LRRTM4: variants seen among roughly 807,000 people sequenced by gnomAD.
LRRTM4 encodes leucine-rich repeat transmembrane neuronal protein 4.
A neutral mutation model predicts 47.6 loss-of-function variants in LRRTM4; 25 were observed. The ratio of observed to expected loss-of-function variants is 0.53; its 90% CI spans 0.38 to 0.73. The LOEUF (loss-of-function observed/expected upper bound fraction) is 0.73, where lower values mean the gene tolerates loss of function less well. Among genes scored for constraint, LRRTM4 ranks in the 30% least tolerant of loss-of-function variants. The pLI is 0.00. For missense variants in LRRTM4, 638 were observed against 713.4 expected, an observed-to-expected ratio of 0.89 and a Z score of 1.20; for synonymous variants, 311 against 269.5, an observed-to-expected ratio of 1.15 and a Z score of -1.51.
At chr2:76,802,647 T>A (rs751415253) in intron 3 of LRRTM4, among the ~76,000 whole-genome samples, 14 of 151,880 alleles carry the variant, frequency 9.2e-5, no homozygotes, top group Non-Finnish European at 1.9e-4. Flanking sequence ...ATCCCAAAGA[T>A]CCAAAATATC....
intron 3 of LRRTM4, among the ~76,000 whole-genome samples, chr2:77,327,344 G>T (rs1670815020): frequency 1.3e-5 from 2 of 152,128 alleles, no homozygotes; most frequent in African/African-American, 2.4e-5. Flanking sequence ...GAGATTCTCA[G>T]CTCCTACAGC....
At chr2:76,848,652 A>T (rs1314631475) in intron 3 of LRRTM4, among the ~76,000 whole-genome samples, 1 of 152,108 alleles carries the variant, frequency 6.6e-6, no homozygotes, top group Non-Finnish European at 1.5e-5. Context: ...ATTCTACTTG[A>T]AACAAATGGA....
intron 3 of LRRTM4, among the ~76,000 whole-genome samples, chr2:76,757,720 T>C (rs1412373902): frequency 6.6e-6 from 1 of 152,120 alleles, no homozygotes; most frequent in African/African-American, 2.4e-5. Context: ...TCCAATCACA[T>C]AACTTTCTCC....
At chr2:77,288,338 A>C (rs1676720664) in intron 3 of LRRTM4, among the ~76,000 whole-genome samples, 1 of 151,884 alleles carries the variant, frequency 6.6e-6, no homozygotes, top group South Asian at 2.1e-4. Flanking sequence ...TTGCTGAAAA[A>C]TGATATGAAA....
At chr2:77,009,447 C>G (rs1274947320) in intron 3 of LRRTM4, 1 of 152,056 alleles carries the variant, frequency 6.6e-6, no homozygotes, top group African/African-American at 2.4e-5. Flanking sequence ...TGACTCATCC[C>G]TCTCAAATGC....
At chr2:77,334,782 G>A (rs547904305) in intron 3 of LRRTM4, among the ~76,000 whole-genome samples, 37 of 152,228 alleles carry the variant, frequency 2.4e-4, no homozygotes, top group South Asian at 2.1e-4. Context: ...CATGGTACTC[G>A]GAGATGAACT....
rs576072800 is a variant in LRRTM4 at position 76,846,758 on chromosome 2, C to T, written c.1552-97842G>A. Among the ~76,000 whole-genome samples the T allele has an allele frequency of 2.0e-5, 3 of 152,192 alleles. No individual in the cohort carries two copies. The South Asian group carries it at 6.2e-4, about 32-fold the overall frequency. ...TGTTAATAAACTCACATTTCTTTTC[C>T]CAACTATATACTAAGAACATCTTTG... is the stretch of plus-strand genomic sequence containing the variant. On this transcript the variant is annotated intron_variant, in intron 3 of 3. Transcript: ENST00000409884.
intron 3 of LRRTM4, among the ~76,000 whole-genome samples, chr2:76,955,492 A>G (rs1397872875): frequency 6.6e-6 from 1 of 151,856 alleles, no homozygotes; most frequent in East Asian, 1.9e-4. Flanking sequence ...GAATCAAAGT[A>G]TGTCACTACT....
chr2:77,420,794 T>A (rs184398643), intron 3 of LRRTM4, among the ~76,000 whole-genome samples: 1,461 of 145,438 alleles, frequency 0.01, 24 homozygotes, highest in African/African-American at 0.035. Context: ...TATATATATA[T>A]AATACATATA....
chr2:77,366,447 T>C (rs1005529027), intron 3 of LRRTM4, among the ~76,000 whole-genome samples: 2 of 151,948 alleles, frequency 1.3e-5, no homozygotes, highest in South Asian at 2.1e-4. Flanking sequence ...TACTTTGTAT[T>C]ATTTCCCTGG....
intron 3 of LRRTM4, among the ~76,000 whole-genome samples, chr2:77,457,105 T>C (rs1676593447): frequency 7.1e-6 from 1 of 140,138 alleles, no homozygotes; most frequent in Non-Finnish European, 1.5e-5. Flanking sequence ...TGGTGATTTT[T>C]TTTTTCTCAG....
At chr2:76,902,113 T>C (rs1292969120) in intron 3 of LRRTM4, among the ~76,000 whole-genome samples, 2 of 152,254 alleles carry the variant, frequency 1.3e-5, no homozygotes, top group East Asian at 1.9e-4. Flanking sequence ...GTGAATTTTA[T>C]GGAAGAGAAA....
chr2:76,918,859 A>T (rs573343117), intron 3 of LRRTM4, among the ~76,000 whole-genome samples: 1 of 152,252 alleles, frequency 6.6e-6, no homozygotes, highest in East Asian at 1.9e-4. Context: ...GTCATCCACG[A>T]TGTATTCCAC....
chr2:76,887,356 A>T lies in LRRTM4; in HGVS notation c.1552-138440T>A, dbSNP rs1359532341. On this transcript the variant is annotated intron_variant, in intron 3 of 3. Transcript: ENST00000409884. ...ATTTGACTTTTCCTAAACGTGTATA[A>T]TTTTTTTTCTAAACCCTGCACCAAG... Among the ~76,000 whole-genome samples, 3 of 151,342 alleles carry T rather than the reference A, an allele frequency of 2.0e-5. No individual in the cohort carries two copies. In the East Asian group the frequency reaches 5.8e-4, roughly 29 times the overall value.
intron 3 of LRRTM4, among the ~76,000 whole-genome samples, chr2:76,932,971 A>C (rs1470439267): frequency 4.6e-5 from 7 of 152,110 alleles, no homozygotes; most frequent in Admixed American, 3.3e-4. Context: ...ATTAGGTATG[A>C]AATGATAAAC....
intron 3 of LRRTM4, among the ~76,000 whole-genome samples, chr2:76,918,790 G>C (rs1312622441): frequency 2.6e-5 from 4 of 152,052 alleles, no homozygotes; most frequent in Non-Finnish European, 5.9e-5. Context: ...TGGAACTTAA[G>C]AAGTCTTCAG....
intron 3 of LRRTM4, among the ~76,000 whole-genome samples, chr2:77,217,237 T>C (rs13395734): frequency 0.2 from 29,404 of 150,434 alleles, 5,553 homozygotes; most frequent in African/African-American, 0.49. Flanking sequence ...TGTAGAGAGT[T>C]CTGTTTACCT....
chr2:76,931,797 A>G (rs968744472), intron 3 of LRRTM4, among the ~76,000 whole-genome samples: 14 of 152,050 alleles, frequency 9.2e-5, no homozygotes, highest in African/African-American at 3.4e-4. Flanking sequence ...TACCAACCAT[A>G]CCCTAGTTTT....
chr2:77,404,135 A>G (rs1234376686), intron 3 of LRRTM4, among the ~76,000 whole-genome samples: 1 of 152,072 alleles, frequency 6.6e-6, no homozygotes, highest in East Asian at 1.9e-4. Flanking sequence ...TTCATATACA[A>G]GAGTAATCCT....
Sources: allele counts gnomAD v4.1 joint callset (sites outside exome capture counted in the v4.1 genomes callset), GRCh38; gene constraint gnomAD v4.1.1; transcripts MANE v1.5; gene names NCBI Gene and HGNC (gene_info 2026-07-23, HGNC 2026-07-21).